Variants in FHIT observed in about 807,000 individuals in gnomAD.
The protein encoded by FHIT is bis(5'-adenosyl)-triphosphatase.
FHIT carries 19 observed loss-of-function variants against 17.9 expected under a neutral mutation model. That is an observed-to-expected ratio of 1.06 (90% CI 0.74 to 1.56). FHIT has a LOEUF of 1.56. Ranked by LOEUF, FHIT falls within the 40% of genes most tolerant of loss-of-function variation. FHIT has a pLI of 0.00. For synonymous variants in FHIT, 81 were observed against 69.7 expected (o/e 1.16, Z -0.81); for missense variants, 248 against 189.2 (o/e 1.31, Z -1.82).
chr3:60,535,263 A>G (rs1295344082), intron 5 of FHIT, among the ~76,000 whole-genome samples: 1 of 152,132 alleles, frequency 6.6e-6, no homozygotes, highest in Non-Finnish European at 1.5e-5. Flanking sequence ...CATCTCTGTG[A>G]CCTCTAATTT....
intron 5 of FHIT, among the ~76,000 whole-genome samples, chr3:60,175,144 C>T (rs947936918): frequency 6.6e-6 from 1 of 152,008 alleles, no homozygotes. Context: ...GTGTTAATGC[C>T]GCATGTTAAT....
intron 5 of FHIT, among the ~76,000 whole-genome samples, chr3:60,468,958 AT>A (rs1221972560): frequency 2.6e-5 from 4 of 151,836 alleles, no homozygotes; most frequent in Non-Finnish European, 5.9e-5. Context: ...AGGTTAGAAG[AT>A]TTTTTTTCCT....
chr3:61,171,062 C>G (rs2037989151), intron 2 of FHIT, among the ~76,000 whole-genome samples: 1 of 152,192 alleles, frequency 6.6e-6, no homozygotes, highest in Non-Finnish European at 1.5e-5. Flanking sequence ...AATTTACACT[C>G]CCACCAAAGG....
At chr3:61,243,604 G>A (rs1334125642) in intron 1 of FHIT, among the ~76,000 whole-genome samples, 2 of 152,064 alleles carry the variant, frequency 1.3e-5, no homozygotes, top group Non-Finnish European at 2.9e-5. Context: ...AAAAATGAGT[G>A]GTATTTTATC....
chr3:60,457,426 G>T (rs57708137), intron 5 of FHIT, among the ~76,000 whole-genome samples: 46,162 of 150,904 alleles, frequency 0.31, 7,626 homozygotes, highest in East Asian at 0.56. Context: ...ATACAAAAAT[G>T]AATTCAAGAT....
intron 7 of FHIT, among the ~76,000 whole-genome samples, chr3:59,969,868 T>C (rs557513277): frequency 5.3e-5 from 8 of 152,224 alleles, no homozygotes; most frequent in African/African-American, 1.4e-4. Context: ...CTATAATAAG[T>C]CCAAGGAAAG....
chr3:60,923,550 A>C (rs2107324199), intron 3 of FHIT, among the ~76,000 whole-genome samples: 1 of 152,330 alleles, frequency 6.6e-6, no homozygotes, highest in African/African-American at 2.4e-5. Context: ...GAGTCTGGTA[A>C]TTATGTATTT....
Position 60,666,091 on chromosome 3 carries a change from T to C in FHIT, c.-17-129112A>G, listed in dbSNP as rs550799595. Among the ~76,000 whole-genome samples the C allele has an allele frequency of 2.0e-5, 3 of 152,248 alleles. No homozygotes were observed. In the East Asian group the frequency reaches 5.8e-4, roughly 29 times the overall value. ...CAATAACATTGAATTGAGTATCAGA[T>C]GGTATTATAATTTTTGTTTTAATCA... On this transcript the variant is annotated intron_variant, in intron 4 of 9. Coordinates refer to ENST00000492590, the MANE Select transcript of FHIT (RefSeq NM_002012.4).
intron 5 of FHIT, among the ~76,000 whole-genome samples, chr3:60,197,825 C>G (rs1272379295): frequency 2.6e-5 from 4 of 152,200 alleles, no homozygotes; most frequent in Non-Finnish European, 5.9e-5. Flanking sequence ...CCATAACTAG[C>G]TGGTTCTGGC....
At chr3:61,161,470 G>A (rs2037693154) in intron 2 of FHIT, among the ~76,000 whole-genome samples, 1 of 152,116 alleles carries the variant, frequency 6.6e-6, no homozygotes, top group Admixed American at 6.5e-5. Flanking sequence ...CCAAAGTGCT[G>A]GGATTACAGG....
In FHIT at chr3:60,140,129, A is replaced by G. The variant is rs76302785; in HGVS notation, c.104-125977T>C. Among the ~76,000 whole-genome samples, 4 of 152,258 alleles carry G rather than the reference A, an allele frequency of 2.6e-5. No individual in the cohort carries two copies. The East Asian group carries it at 7.7e-4, about 29-fold the overall frequency. ...TAGTGAGATTCCATCTCGAAAAAAA[A>G]AAAATTGGTTAATTGTAGATTACAG... On this transcript the variant is annotated intron_variant, in intron 5 of 9. Transcript: ENST00000492590.
At chr3:60,967,325 GA>G (rs1709793326) in intron 3 of FHIT, among the ~76,000 whole-genome samples, 1 of 152,108 alleles carries the variant, frequency 6.6e-6, no homozygotes, top group African/African-American at 2.4e-5. Context: ...ATCATTGCTT[GA>G]TCCCTTAAAC....
intron 4 of FHIT, among the ~76,000 whole-genome samples, chr3:60,714,563 G>C (rs2041630104): frequency 6.6e-6 from 1 of 152,160 alleles, no homozygotes; most frequent in Non-Finnish European, 1.5e-5. Flanking sequence ...ATCTCCTTAA[G>C]CTGATAAGCA....
chr3:60,664,091 C>A (rs2040325645), intron 4 of FHIT, among the ~76,000 whole-genome samples: 1 of 152,152 alleles, frequency 6.6e-6, no homozygotes, highest in African/African-American at 2.4e-5. Context: ...CAGGGATGCT[C>A]TTTAGCAAGT....
intron 3 of FHIT, among the ~76,000 whole-genome samples, chr3:60,999,290 G>A (rs781622588): frequency 6.6e-6 from 1 of 152,020 alleles, no homozygotes; most frequent in African/African-American, 2.4e-5. Flanking sequence ...TAAACTTTCT[G>A]AAACAATAAT....
intron 5 of FHIT, among the ~76,000 whole-genome samples, chr3:60,391,321 A>AGGTCTTGCCCTGCAAGCCCAGGGT (rs1701224803): frequency 6.6e-6 from 1 of 152,188 alleles, no homozygotes; most frequent in Non-Finnish European, 1.5e-5. Context: ...TTTAGAGACA[A>AGGTCTTGCCCTGCAAGCCCAGGGT]GGTCTTGCCC....
intron 5 of FHIT, among the ~76,000 whole-genome samples, chr3:60,522,187 G>A (rs1335166259): frequency 1.4e-5 from 2 of 144,102 alleles, no homozygotes; most frequent in Non-Finnish European, 3.0e-5. Context: ...TGAGCTCACT[G>A]CAACTTCTGC....
At chr3:60,208,317 A>C (rs181154158) in intron 5 of FHIT, among the ~76,000 whole-genome samples, 28 of 152,226 alleles carry the variant, frequency 1.8e-4, no homozygotes, top group African/African-American at 6.7e-4. Context: ...AACTCGACAA[A>C]TTTTCTTGAT....
intron 5 of FHIT, among the ~76,000 whole-genome samples, chr3:60,350,903 G>C (rs12493207): frequency 1.3e-5 from 2 of 152,132 alleles, no homozygotes; most frequent in African/African-American, 4.8e-5. Context: ...AAACTCACTC[G>C]AGAGTCTCTC....
Sources: allele counts gnomAD v4.1 joint callset (sites outside exome capture counted in the v4.1 genomes callset), GRCh38; gene constraint gnomAD v4.1.1; transcripts MANE v1.5; gene names NCBI Gene and HGNC (gene_info 2026-07-23, HGNC 2026-07-21).